The following ASIC2 variants were observed in gnomAD, a reference collection of about 807,000 sequenced individuals.
The protein encoded by ASIC2 is acid-sensing ion channel 2.
In ASIC2, 25 loss-of-function variants were observed where a neutral mutation model predicts 57.3. The ratio of observed to expected loss-of-function variants is 0.44; its 90% confidence interval spans 0.32 to 0.61. ASIC2 has a LOEUF of 0.61. ASIC2 is among the 20% of genes least tolerant of loss of function. The probability of loss-of-function intolerance (pLI) is 0.06; values close to 1 mark genes in which losing one functional copy is unlikely to be tolerated. For missense variants in ASIC2, 641 were observed against 738.1 expected, an observed-to-expected ratio of 0.87 and a Z score of 1.52; for synonymous variants, 319 against 307.5, an observed-to-expected ratio of 1.04 and a Z score of -0.39.
At chr17:33,976,485 C>T (rs1167960859) in intron 1 of ASIC2, 1 of 152,176 alleles carries the variant, frequency 6.6e-6, no homozygotes, top group Admixed American at 6.5e-5. Flanking sequence ...GTGCTCCACC[C>T]TCCCAATTGC....
At chr17:33,359,487 CT>C (rs1908515971) in intron 1 of ASIC2, among the ~76,000 whole-genome samples, 1 of 152,138 alleles carries the variant, frequency 6.6e-6, no homozygotes, top group African/African-American at 2.4e-5. Context: ...AGCTCCAGTT[CT>C]GGTAGAAGCA....
chr17:33,619,124 G>C (rs1263219182), intron 1 of ASIC2, among the ~76,000 whole-genome samples: 1 of 152,154 alleles, frequency 6.6e-6, no homozygotes, highest in Non-Finnish European at 1.5e-5. Flanking sequence ...TAGGGTAGGA[G>C]GTTTGCTATA....
intron 1 of ASIC2, among the ~76,000 whole-genome samples, chr17:33,856,956 T>A (rs1205695996): frequency 6.6e-6 from 1 of 152,036 alleles, no homozygotes; most frequent in South Asian, 2.1e-4. Context: ...GGAGGAGCCA[T>A]CCTGGGCTTT....
At chr17:33,654,020 T>A (rs1314691040) in intron 1 of ASIC2, among the ~76,000 whole-genome samples, 2 of 152,174 alleles carry the variant, frequency 1.3e-5, no homozygotes, top group African/African-American at 4.8e-5. Context: ...CTCAGGTCCA[T>A]CAAAATCCAT....
intron 1 of ASIC2, among the ~76,000 whole-genome samples, chr17:33,672,943 G>C (rs1395356957): frequency 6.6e-6 from 1 of 152,164 alleles, no homozygotes; most frequent in Non-Finnish European, 1.5e-5. Flanking sequence ...TGTGAAATGG[G>C]TCAATAAAAT....
chr17:33,850,861 G>A (rs770818228), intron 1 of ASIC2, among the ~76,000 whole-genome samples: 71 of 151,982 alleles, frequency 4.7e-4, no homozygotes, highest in Admixed American at 3.3e-4. Context: ...GCCATTACCT[G>A]AGTCCAGAAA....
At chr17:33,927,375 G>A (rs1915845669) in intron 1 of ASIC2, among the ~76,000 whole-genome samples, 1 of 152,160 alleles carries the variant, frequency 6.6e-6, no homozygotes, top group Non-Finnish European at 1.5e-5. Context: ...GTAAGAGCTG[G>A]GTGTGAGCTT....
chr17:33,183,988 T>C (rs1906089287), intron 1 of ASIC2, among the ~76,000 whole-genome samples: 1 of 152,160 alleles, frequency 6.6e-6, no homozygotes, highest in Non-Finnish European at 1.5e-5. Flanking sequence ...CAAAAATACT[T>C]ATATCACAGG....
intron 1 of ASIC2, among the ~76,000 whole-genome samples, chr17:33,405,258 A>G (rs773472262): frequency 2.6e-5 from 4 of 152,158 alleles, no homozygotes; most frequent in Non-Finnish European, 5.9e-5. Flanking sequence ...ATAGAATTGC[A>G]TGGTAGGGGG....
chr17:33,543,148 AG>A (rs1450153210), intron 1 of ASIC2, among the ~76,000 whole-genome samples: 1 of 67,684 alleles, frequency 1.5e-5, no homozygotes, highest in Non-Finnish European at 2.7e-5. Flanking sequence ...GGGTGGGGGG[AG>A]GGGGGAGGGA....
intron 1 of ASIC2, among the ~76,000 whole-genome samples, chr17:33,897,371 G>C (rs1246063341): frequency 6.6e-6 from 1 of 152,102 alleles, no homozygotes; most frequent in Non-Finnish European, 1.5e-5. Flanking sequence ...TTTGTATTAT[G>C]GCATCCCACC....
intron 1 of ASIC2, among the ~76,000 whole-genome samples, chr17:33,924,740 A>C (rs1915788519): frequency 6.6e-6 from 1 of 152,124 alleles, no homozygotes. Flanking sequence ...ATGTGCTTGG[A>C]CAAAGCTGCC....
intron 1 of ASIC2, among the ~76,000 whole-genome samples, chr17:33,696,794 A>G (rs1317522517): frequency 2.6e-5 from 4 of 152,212 alleles, no homozygotes; most frequent in Non-Finnish European, 5.9e-5. Context: ...ACAATAAAGT[A>G]AGCTAGAGGA....
chr17:33,399,647 T>C (rs1221142692), intron 1 of ASIC2, among the ~76,000 whole-genome samples: 1 of 152,174 alleles, frequency 6.6e-6, no homozygotes, highest in Non-Finnish European at 1.5e-5. Context: ...TTCAGTGTGG[T>C]CACAGTTTTG....
At chr17:33,470,146 T>A (rs1913000492) in intron 1 of ASIC2, among the ~76,000 whole-genome samples, 1 of 152,162 alleles carries the variant, frequency 6.6e-6, no homozygotes, top group Non-Finnish European at 1.5e-5. Flanking sequence ...AGCTGGTGTC[T>A]GAACTAGGCC....
At chr17:33,376,892 T>C (rs924001093) in intron 1 of ASIC2, among the ~76,000 whole-genome samples, 3 of 152,162 alleles carry the variant, frequency 2.0e-5, no homozygotes, top group Admixed American at 2.0e-4. Flanking sequence ...ACAAATTATT[T>C]TTCAATTCTC....
At chr17:33,907,781 A>G (rs1409615168) in intron 1 of ASIC2, among the ~76,000 whole-genome samples, 3 of 152,220 alleles carry the variant, frequency 2.0e-5, no homozygotes, top group Admixed American at 6.5e-5. Context: ...CTTTCACAAT[A>G]TGCTCTAAAA....
chr17:33,687,440 T>C (rs1193428056), intron 1 of ASIC2, among the ~76,000 whole-genome samples: 1 of 152,198 alleles, frequency 6.6e-6, no homozygotes, highest in Non-Finnish European at 1.5e-5. Flanking sequence ...TCAGGATAGA[T>C]TCTTCCAACA....
rs532897557 is a variant in ASIC2, at chr17:33,225,276, T to G, written c.708+66132A>C. On this transcript the variant is annotated intron_variant, in intron 1 of 9. Transcript: ENST00000225823. ...CAGGTGATGGTTCAGCACAATGCCCTGTACAGAGAGGTGAGATATTGATCC... is the reference window on the plus strand; with the variant it reads ...CAGGTGATGGTTCAGCACAATGCCCGGTACAGAGAGGTGAGATATTGATCC... Among the ~76,000 whole-genome samples, 192 of 152,322 alleles carry G rather than the reference T, an allele frequency of 1.3e-3. 1 individual carries two copies. The highest frequency in any genetic ancestry group is 2.4e-3 in the Non-Finnish European group (162 of 68,024).
Sources: gnomAD v4.1 joint callset for allele counts (sites outside exome capture counted in the v4.1 genomes callset) on GRCh38, gnomAD v4.1.1 for gene constraint, MANE v1.5 for transcripts, NCBI Gene and HGNC (gene_info 2026-07-23, HGNC 2026-07-21) for gene names.